Variants in DSE observed in about 807,000 individuals in gnomAD.
DSE encodes the protein dermatan sulfate epimerase.
A neutral mutation model predicts 84.4 loss-of-function variants in DSE; 36 were observed. The observed-to-expected ratio is 0.43, with a 90% confidence interval of 0.33 to 0.56. The LOEUF is 0.56. Among genes scored for constraint, DSE ranks in the 20% least tolerant of loss-of-function variants. The pLI, the probability that DSE is intolerant of heterozygous loss-of-function variation, is 0.06. For synonymous variants in DSE, 410 were observed against 430.1 expected, an observed-to-expected ratio of 0.95 and a Z score of 0.58; for missense variants, 862 against 1,169.6, an observed-to-expected ratio of 0.74 and a Z score of 3.84.
At chr6:116,399,773 GTGTGGGGGGA>G in intron 2 of DSE, 107 bp downstream of exon 2, 1 of 1,094,078 alleles carries the variant, frequency 9.1e-7, no homozygotes, top group Middle Eastern at 3.1e-4. Context: ...TTGTGTATGT[GTGTGGGGGGA>G]GGTGTTATTT....
intron 1 of DSE, among the ~76,000 whole-genome samples, chr6:116,391,306 C>T (rs74458745): frequency 6.6e-6 from 1 of 151,944 alleles, no homozygotes; most frequent in South Asian, 2.1e-4. Flanking sequence ...TGGTGAACAC[C>T]GTTATTATAC....
chr6:116,441,162 A>T lies in DSE; in HGVS notation c.*3817A>T, dbSNP rs1784412197. On this transcript the variant is annotated 3_prime_UTR_variant, in exon 6 of 6. Coordinates refer to ENST00000644252, the MANE Select transcript of DSE (RefSeq NM_013352.4). The stretch of plus-strand genomic sequence containing the variant: ...ATATAAATCATGTGTTCCACTACAT[A>T]GTCTAAATATTTAGTATTTGGTCAT... 1 of 152,222 alleles carries T rather than the reference A, an allele frequency of 6.6e-6. No individual in the cohort carries two copies. The highest frequency in any genetic ancestry group is 1.5e-5 in the Non-Finnish European group (1 of 68,038). 9.4% of individuals were successfully genotyped at this position (152,222 alleles called of 1,614,324 possible). A position where few individuals can be genotyped will look rare whatever the true frequency, so the allele number is the denominator to read the frequency against.
intron 2 of DSE, among the ~76,000 whole-genome samples, chr6:116,306,775 T>A (rs1286091515): frequency 6.6e-6 from 1 of 152,088 alleles, no homozygotes; most frequent in Non-Finnish European, 1.5e-5. Context: ...TAGGGTTAGA[T>A]GAAGTTATGG....
chr6:116,397,422 G>T (rs930725897), intron 1 of DSE, among the ~76,000 whole-genome samples: 1 of 151,916 alleles, frequency 6.6e-6, no homozygotes, highest in Non-Finnish European at 1.5e-5. Context: ...GGCCAGGATG[G>T]TCTTCAACTC....
chr6:116,370,330 T>G (rs922156968), upstream of DSE: 1 of 358,434 alleles, frequency 2.8e-6, no homozygotes, highest in African/African-American at 2.2e-5. Flanking sequence ...GGATTTAGTG[T>G]ATTTTGTTGG....
chr6:116,367,371 A>G (rs189229856), upstream of DSE, among the ~76,000 whole-genome samples: 1 of 152,386 alleles, frequency 6.6e-6, no homozygotes, highest in East Asian at 1.9e-4. Context: ...AAGCATTTCA[A>G]GAATGGAAGC....
At chr6:116,358,301 T>C (rs1778689839) in intron 2 of DSE, among the ~76,000 whole-genome samples, 1 of 152,234 alleles carries the variant, frequency 6.6e-6, no homozygotes, top group Admixed American at 6.5e-5. Flanking sequence ...GAAAATGTCA[T>C]GTTTGGAGAT....
intron 2 of DSE, among the ~76,000 whole-genome samples, chr6:116,315,997 A>G (rs1014218026): frequency 2.0e-5 from 3 of 152,152 alleles, no homozygotes; most frequent in Non-Finnish European, 4.4e-5. Context: ...CTAAAAAAAA[A>G]CTACAGATGC....
intron 2 of DSE, among the ~76,000 whole-genome samples, chr6:116,282,523 T>C (rs1295398966): frequency 1.3e-5 from 2 of 152,256 alleles, no homozygotes; most frequent in Non-Finnish European, 2.9e-5. Flanking sequence ...CTCTGCTGAA[T>C]GTAATTTCCC....
chr6:116,283,217 G>A (rs535097011), intron 2 of DSE, among the ~76,000 whole-genome samples: 1 of 152,312 alleles, frequency 6.6e-6, no homozygotes, highest in East Asian at 1.9e-4. Context: ...GTAACACTGA[G>A]AGGCTAACTA....
chr6:116,421,943 CA>C (rs1183869210), intron 2 of DSE, among the ~76,000 whole-genome samples: 1 of 152,068 alleles, frequency 6.6e-6, no homozygotes, highest in East Asian at 1.9e-4. Context: ...ATAATCTTTT[CA>C]AATAATTGTG....
intron 2 of DSE, among the ~76,000 whole-genome samples, chr6:116,309,116 A>G (rs1173110581): frequency 6.7e-6 from 1 of 148,852 alleles, no homozygotes; most frequent in Non-Finnish European, 1.5e-5. Flanking sequence ...TGAACTTATT[A>G]TCTCATGATG....
intron 2 of DSE, among the ~76,000 whole-genome samples, chr6:116,322,813 T>C (rs1187839363): frequency 6.6e-6 from 1 of 152,136 alleles, no homozygotes; most frequent in Non-Finnish European, 1.5e-5. Flanking sequence ...TGTTTAAATA[T>C]GGAGAGAAGA....
intron 1 of DSE, among the ~76,000 whole-genome samples, chr6:116,379,479 T>G (rs529938763): frequency 3.3e-4 from 51 of 152,310 alleles, no homozygotes; most frequent in Non-Finnish European, 5.4e-4. Flanking sequence ...CCTCTATCTT[T>G]ACTTTAATTC....
intron 4 of DSE, 98 bp downstream of exon 4, chr6:116,431,291 A>T (rs1240498578): frequency 6.9e-7 from 1 of 1,452,048 alleles, no homozygotes; most frequent in African/African-American, 1.4e-5. Context: ...AGGTCCTTAG[A>T]GTTTGTCATA....
chr6:116,270,809 A>G (rs1772847675), intron 2 of DSE, among the ~76,000 whole-genome samples: 1 of 152,322 alleles, frequency 6.6e-6, no homozygotes, highest in Middle Eastern at 3.4e-3. Flanking sequence ...AGCTGCTTCA[A>G]TATGGTGCAA....
At chr6:116,433,065 A>C in intron 4 of DSE, 1 of 422,936 alleles carries the variant, frequency 2.4e-6, no homozygotes, top group East Asian at 4.8e-5. Flanking sequence ...GAACATTGGA[A>C]AATGAGGAAG....
At chr6:116,405,910 T>A (rs774259291) in intron 2 of DSE, among the ~76,000 whole-genome samples, 1 of 152,348 alleles carries the variant, frequency 6.6e-6, no homozygotes, top group Middle Eastern at 3.4e-3. Flanking sequence ...AAATAGGATG[T>A]TCTGCTCACC....
intron 2 of DSE, among the ~76,000 whole-genome samples, chr6:116,293,994 TA>T (rs938419343): frequency 1.6e-4 from 25 of 152,180 alleles, no homozygotes; most frequent in African/African-American, 5.8e-4. Context: ...TAATAGTTAA[TA>T]AATATGTCTA....
Sources: allele counts gnomAD v4.1 joint callset (sites outside exome capture counted in the v4.1 genomes callset), GRCh38; gene constraint gnomAD v4.1.1; transcripts MANE v1.5; gene names NCBI Gene and HGNC (gene_info 2026-07-23, HGNC 2026-07-21).